BICRAL: variants seen among roughly 807,000 people sequenced by gnomAD.
BICRAL encodes the protein BICRA like chromatin remodeling complex associated protein.
A neutral mutation model predicts 91.8 loss-of-function variants in BICRAL; 8 were observed. That is an observed-to-expected ratio of 0.09 (90% CI 0.05 to 0.16). The LOEUF is 0.16. Among genes scored for constraint, BICRAL ranks in the 10% least tolerant of loss-of-function variants. The pLI, the probability that BICRAL is intolerant of heterozygous loss-of-function variation, is 1.00. For missense variants in BICRAL, 1,038 were observed against 1,310.9 expected, an observed-to-expected ratio of 0.79 and a Z score of 3.21; for synonymous variants, 445 against 491.1, an observed-to-expected ratio of 0.91 and a Z score of 1.24.
intron 6 of BICRAL, among the ~76,000 whole-genome samples, chr6:42,840,279 A>G (rs953411719): frequency 4.0e-5 from 6 of 151,848 alleles, no homozygotes; most frequent in South Asian, 2.1e-4. Context: ...GTCTCGCTCT[A>G]TCACCCAGGC....
rs556349789 is a variant in BICRAL at position 42,845,148 on chromosome 6, C to G, written c.1840-6944C>G. Among the ~76,000 whole-genome samples, 17 of 134,962 alleles carry G rather than the reference C, an allele frequency of 1.3e-4. No homozygotes were observed. In the South Asian group the frequency reaches 2.7e-3, roughly 21 times the overall value. The allele number at this position is 134,962 out of a possible 152,430, so 88.5% of individuals were successfully genotyped here. On this transcript the variant is annotated intron_variant, in intron 6 of 12. Transcript: ENST00000314073. The stretch of plus-strand genomic sequence containing the variant: ...TTGGATGGTAAATTTGAGATAAAGA[C>G]TGTTTGGTATCCTTCGGCTGCCTTC...
At chr6:42,793,296 A>ATTTTTTTT (rs35332872) in intron 1 of BICRAL, among the ~76,000 whole-genome samples, 617 of 22,976 alleles carry the variant, frequency 0.027, 77 homozygotes, top group East Asian at 0.042. Flanking sequence ...GACCCAGCTA[A>ATTTTTTTT]TTTTTTTTTT....
intron 1 of BICRAL, among the ~76,000 whole-genome samples, chr6:42,783,435 G>T (rs1303488242): frequency 1.3e-5 from 2 of 152,204 alleles, no homozygotes; most frequent in Non-Finnish European, 2.9e-5. Context: ...TGGGTGGGGG[G>T]GTGCGGTTGG....
In BICRAL at chr6:42,816,507, A is replaced by G. The variant is rs890490014; in HGVS notation, c.-5-5511A>G. 3.3e-5 allele frequency among the ~76,000 whole-genome samples: 5 copies of G among 152,016 alleles called. No homozygotes were observed. The East Asian group carries it at 5.8e-4, about 18-fold the overall frequency. ...AGTGGCACGATCACGGCTCACTGCAACCTTCATGTCCTGGGCTCAAGTCAT... is the reference window on the plus strand; with the variant it reads ...AGTGGCACGATCACGGCTCACTGCAGCCTTCATGTCCTGGGCTCAAGTCAT... On this transcript the variant is annotated intron_variant, in intron 2 of 12. Transcript: ENST00000314073.
chr6:42,763,442 T>G (rs1762584649), intron 1 of BICRAL, among the ~76,000 whole-genome samples: 1 of 152,224 alleles, frequency 6.6e-6, no homozygotes, highest in Non-Finnish European at 1.5e-5. Flanking sequence ...AAAATTATTC[T>G]TCTGCCTAGA....
At chr6:42,864,028 G>T (rs192917135) in intron 12 of BICRAL, among the ~76,000 whole-genome samples, 117 of 152,264 alleles carry the variant, frequency 7.7e-4, no homozygotes, top group African/African-American at 2.6e-3. Flanking sequence ...TTAGTCCGTT[G>T]TGGTGGCAGA....
At chr6:42,771,772 G>T (rs1341469304) in intron 1 of BICRAL, among the ~76,000 whole-genome samples, 1 of 151,954 alleles carries the variant, frequency 6.6e-6, no homozygotes, top group Non-Finnish European at 1.5e-5. Flanking sequence ...TAATTCCCAG[G>T]CTCAGCCTCT....
upstream of BICRAL, among the ~76,000 whole-genome samples, chr6:42,778,345 T>C (rs899615983): frequency 1.3e-5 from 2 of 152,228 alleles, no homozygotes; most frequent in African/African-American, 4.8e-5. Flanking sequence ...GGTTCTCCTG[T>C]CTGCCCTTAT....
At chr6:42,850,631 A>G (rs1464292661) in intron 6 of BICRAL, among the ~76,000 whole-genome samples, 5 of 152,086 alleles carry the variant, frequency 3.3e-5, no homozygotes, top group African/African-American at 1.2e-4. Context: ...CACGTTTGTA[A>G]TCCCAGCATT....
upstream of BICRAL, among the ~76,000 whole-genome samples, chr6:42,779,200 G>C (rs1762845017): frequency 6.8e-6 from 1 of 148,030 alleles, no homozygotes; most frequent in African/African-American, 2.5e-5. Context: ...CTGAGTCACA[G>C]AGGGAGATCC....
chr6:42,775,418 C>T (rs548343607), intron 1 of BICRAL, among the ~76,000 whole-genome samples: 5 of 152,260 alleles, frequency 3.3e-5, no homozygotes, highest in Admixed American at 3.3e-4. Flanking sequence ...CATTCCACTT[C>T]CTCTCCACTC....
chr6:42,751,028 A>C (rs1281623090), intron 1 of BICRAL, among the ~76,000 whole-genome samples: 2 of 149,312 alleles, frequency 1.3e-5, no homozygotes, highest in Non-Finnish European at 3.0e-5. Context: ...CCCCGTATGC[A>C]TTAGGTATTT....
At chr6:42,853,397 A>G (rs1765255216) in intron 7 of BICRAL, among the ~76,000 whole-genome samples, 1 of 152,182 alleles carries the variant, frequency 6.6e-6, no homozygotes, top group African/African-American at 2.4e-5. Flanking sequence ...AAACTATAGC[A>G]TTTGGAGCTT....
At chr6:42,816,663 T>C (rs926392537) in intron 2 of BICRAL, among the ~76,000 whole-genome samples, 1 of 152,130 alleles carries the variant, frequency 6.6e-6, no homozygotes, top group Non-Finnish European at 1.5e-5. Context: ...TTTTTCTTTT[T>C]TGATTAGATC....
intron 12 of BICRAL, among the ~76,000 whole-genome samples, 190 bp downstream of exon 12, chr6:42,862,802 A>G (rs1357175463): frequency 1.3e-5 from 2 of 152,176 alleles, no homozygotes; most frequent in South Asian, 2.1e-4. Flanking sequence ...CTGCACAGCC[A>G]ATGTTTGTTG....
At chr6:42,809,182 T>C (rs1346867593) in intron 1 of BICRAL, among the ~76,000 whole-genome samples, 1 of 136,120 alleles carries the variant, frequency 7.3e-6, no homozygotes, top group Admixed American at 7.9e-5. Flanking sequence ...AGTGAGAACA[T>C]GCAGTATTTG....
chr6:42,854,610 T>C (rs1258362853), intron 8 of BICRAL, among the ~76,000 whole-genome samples: 2 of 152,150 alleles, frequency 1.3e-5, no homozygotes, highest in South Asian at 4.1e-4. Context: ...CTCGATCACC[T>C]GGGCTCATGC....
chr6:42,781,608 T>TGTGC (rs1322193192), upstream of BICRAL, among the ~76,000 whole-genome samples: 186 of 147,392 alleles, frequency 1.3e-3, no homozygotes, highest in African/African-American at 4.5e-3. Flanking sequence ...TGTGTGTGTG[T>TGTGC]GTGTGTGTGT....
At chr6:42,775,512 G>C (rs1316510079) in intron 1 of BICRAL, among the ~76,000 whole-genome samples, 1 of 152,194 alleles carries the variant, frequency 6.6e-6, no homozygotes, top group Non-Finnish European at 1.5e-5. Flanking sequence ...AGGGGGACCT[G>C]GGAGCCAGTG....
Sources: allele counts gnomAD v4.1 joint callset (sites outside exome capture counted in the v4.1 genomes callset), GRCh38; gene constraint gnomAD v4.1.1; transcripts MANE v1.5; gene names NCBI Gene and HGNC (gene_info 2026-07-23, HGNC 2026-07-21).